BRAF: variants seen among roughly 807,000 people sequenced by gnomAD.
BRAF encodes serine/threonine-protein kinase B-raf.
In BRAF, 16 loss-of-function variants were observed where a neutral mutation model predicts 104.6. The observed-to-expected ratio is 0.15, with a 90% confidence interval of 0.10 to 0.23. The LOEUF (loss-of-function observed/expected upper bound fraction) is 0.23, where lower values mean the gene tolerates loss of function less well. Ranked by LOEUF, BRAF falls within the 10% of genes least tolerant of loss-of-function variation. The probability of loss-of-function intolerance (pLI) is 1.00; values close to 1 mark genes in which losing one functional copy is unlikely to be tolerated. For missense variants in BRAF, 541 were observed against 937.3 expected (o/e 0.58, Z 5.52); for synonymous variants, 310 against 341.6 (o/e 0.91, Z 1.02).
chr7:140,728,450 C>A (rs958310099), intron 19 of BRAF, among the ~76,000 whole-genome samples: 1 of 151,350 alleles, frequency 6.6e-6, no homozygotes, highest in South Asian at 2.1e-4. Context: ...TTTTAACAAG[C>A]AATTAACTAA....
chr7:140,763,668 C>T (rs1464942552), intron 14 of BRAF, among the ~76,000 whole-genome samples: 1 of 152,190 alleles, frequency 6.6e-6, no homozygotes, highest in East Asian at 1.9e-4. Flanking sequence ...ACTACAAACA[C>T]CTCTATGCAA....
At chr7:140,818,984 T>C (rs1276986220) in intron 3 of BRAF, among the ~76,000 whole-genome samples, 2 of 152,216 alleles carry the variant, frequency 1.3e-5, no homozygotes, top group East Asian at 3.9e-4. Flanking sequence ...ATCTTCAGTA[T>C]TTCCCTTTTG....
rs2128994366 is a variant in BRAF, at chr7:140,749,321, T to A, written c.2078A>T (p.Gln693Leu). 1 of 1,612,176 alleles carries A rather than the reference T, an allele frequency of 6.2e-7. No homozygotes were observed. Among genetic ancestry groups the A allele is most frequent in the Non-Finnish European group, 8.5e-7 (1 of 1,179,496 alleles). The change falls in exon 17 of 20, where the codon CAG becomes CTG. Residue 693 changes from glutamine to leucine, a missense_variant. Gln to Leu is a moderately radical substitution (Grantham distance 113). Transcript: ENST00000644969. ...GTTGTTGATGTTTGAATAAGGTAAC[T>A]GTCCAGTCATCAATTCATACAGAAC... ...GIVLYELMTGQLPYSNINNRD... is the reference protein window; with the variant it reads ...GIVLYELMTGLLPYSNINNRD...
chr7:140,725,023 A>T lies in BRAF; in HGVS notation c.*1471T>A. On this transcript the variant is annotated 3_prime_UTR_variant, in exon 20 of 20. Transcript: ENST00000644969. ...AAAAACAACTGATGACAGCTTTCCC[A>T]CACCCTCCCTCAGTCCTAATATCCC... 2 of 1,047,262 alleles carry T rather than the reference A, an allele frequency of 1.9e-6. No homozygotes were observed. Among genetic ancestry groups the T allele is most frequent in the Non-Finnish European group, 2.3e-6 (2 of 867,960 alleles). The allele number at this position is 1,047,262 out of a possible 1,614,324, so 64.9% of individuals were successfully genotyped here. A position where few individuals can be genotyped will look rare whatever the true frequency, so the allele number is the denominator to read the frequency against.
chr7:140,850,099 T>G lies in BRAF; in HGVS notation c.240+12A>C, dbSNP rs1809001265. The G allele has an allele frequency of 6.4e-7, 1 of 1,571,698 alleles. No individual in the cohort carries two copies. The highest frequency in any genetic ancestry group is 8.7e-7 in the Non-Finnish European group (1 of 1,144,174). On this transcript the variant is annotated intron_variant, in intron 2 of 19. Transcript: ENST00000644969. Reference sequence around the variant, plus strand: ...TTTTCAAAATTACTAGATATGATACTCAAAAGCTTACCTCCAGATATATTG... The same window carrying G: ...TTTTCAAAATTACTAGATATGATACGCAAAAGCTTACCTCCAGATATATTG...
intron 10 of BRAF, among the ~76,000 whole-genome samples, chr7:140,785,224 C>T (rs1330523297): frequency 6.6e-6 from 1 of 151,820 alleles, no homozygotes; most frequent in Non-Finnish European, 1.5e-5. Flanking sequence ...TGAAAAAAGG[C>T]CAAAAGCCTA....
chr7:140,793,575 GA>G (rs1175527446), intron 8 of BRAF, among the ~76,000 whole-genome samples: 1 of 152,012 alleles, frequency 6.6e-6, no homozygotes, highest in Non-Finnish European at 1.5e-5. Flanking sequence ...AATAAACACA[GA>G]AAAAATCAAG....
At position 140,771,283 on chromosome 7, in the gene BRAF, C is replaced by T. The variant is rs148376478; in HGVS notation, c.1814+5629G>A. Among the ~76,000 whole-genome samples, 7 of 152,308 alleles carry T rather than the reference C, an allele frequency of 4.6e-5. No individual in the cohort carries two copies. The East Asian group carries it at 1.2e-3, about 25-fold the overall frequency. ...CGATCATGGCTCACTGCAGCCTCGA[C>T]TTCCTGGGCTCAAGTGATCCTCCCA... is the stretch of plus-strand genomic sequence containing the variant. On this transcript the variant is annotated intron_variant, in intron 14 of 19. Transcript: ENST00000644969.
Position 140,766,376 on chromosome 7 carries a change from A to T in BRAF, c.1814+10536T>A, listed in dbSNP as rs1053112912. On this transcript the variant is annotated intron_variant, in intron 14 of 19. Coordinates refer to ENST00000644969, the MANE Select transcript of BRAF (RefSeq NM_001374258.1). ...AATGGGTGCAGCACACAAGCATGGCACATGTATACATATGTTACTAACCTG... is the reference window on the plus strand; with the variant it reads ...AATGGGTGCAGCACACAAGCATGGCTCATGTATACATATGTTACTAACCTG... Among the ~76,000 whole-genome samples, 3 of 152,272 alleles carry T rather than the reference A, an allele frequency of 2.0e-5. No individual in the cohort carries two copies. The East Asian group carries it at 5.8e-4, about 29-fold the overall frequency.
chr7:140,874,454 C>T (rs1229929799), intron 1 of BRAF, among the ~76,000 whole-genome samples: 1 of 150,816 alleles, frequency 6.6e-6, no homozygotes, highest in East Asian at 1.9e-4. Flanking sequence ...CCCGCCTTGG[C>T]CTCCCAAAGT....
chr7:140,883,245 CT>C (rs1358311810), intron 1 of BRAF, among the ~76,000 whole-genome samples: 2 of 152,082 alleles, frequency 1.3e-5, no homozygotes, highest in Non-Finnish European at 2.9e-5. Flanking sequence ...TCCCAAGATG[CT>C]CTACCTTGTC....
intron 3 of BRAF, among the ~76,000 whole-genome samples, chr7:140,829,705 C>T (rs777155845): frequency 5.3e-5 from 8 of 152,198 alleles, no homozygotes; most frequent in Non-Finnish European, 7.4e-5. Flanking sequence ...CATTCTCCCG[C>T]AGATTACCAG....
chr7:140,869,845 C>G (rs1811378501), intron 1 of BRAF, among the ~76,000 whole-genome samples: 3 of 152,018 alleles, frequency 2.0e-5, no homozygotes, highest in Admixed American at 1.3e-4. Context: ...TGCACTAAAA[C>G]AAAATTCAAG....
chr7:140,827,774 T>G (rs1335305718), intron 3 of BRAF, among the ~76,000 whole-genome samples: 2 of 152,218 alleles, frequency 1.3e-5, no homozygotes. Flanking sequence ...TTCTGTAGAT[T>G]ACACTGTGAT....
At chr7:140,797,810 G>T (rs1039659349) in intron 7 of BRAF, among the ~76,000 whole-genome samples, 1 of 152,036 alleles carries the variant, frequency 6.6e-6, no homozygotes, top group African/African-American at 2.4e-5. Context: ...AATCTGTCAG[G>T]AGAAAATATT....
chr7:140,853,607 C>T (rs535061113), intron 1 of BRAF, among the ~76,000 whole-genome samples: 91 of 152,274 alleles, frequency 6.0e-4, no homozygotes, highest in African/African-American at 2.1e-3. Flanking sequence ...CTGGAATGCT[C>T]TTCCCCTAAG....
At chr7:140,880,952 T>C (rs949851915) in intron 1 of BRAF, among the ~76,000 whole-genome samples, 1 of 152,278 alleles carries the variant, frequency 6.6e-6, no homozygotes, top group African/African-American at 2.4e-5. Flanking sequence ...AATGAGACCC[T>C]GTCTCAAAAC....
Position 140,749,283 on chromosome 7 carries a change from T to G in BRAF, c.2112+4A>C. ...ATAAACACCAAGACGTGGTAAATAT[T>G]TACCTGGTCCCTGTTGTTGATGTTT... On this transcript the variant is annotated splice_donor_region_variant and intron_variant, in intron 17 of 19. Transcript: ENST00000644969. 6.2e-7 allele frequency: 1 copy of G among 1,610,920 alleles called. No homozygotes were observed. Among genetic ancestry groups the G allele is most frequent in the Non-Finnish European group, 8.5e-7 (1 of 1,179,136 alleles).
chr7:140,828,182 C>T (rs931364818), intron 3 of BRAF, among the ~76,000 whole-genome samples: 2 of 152,222 alleles, frequency 1.3e-5, no homozygotes, highest in Non-Finnish European at 1.5e-5. Flanking sequence ...CATGAGCTAC[C>T]GTACCTGGCC....
Sources: gnomAD v4.1 joint callset for allele counts (sites outside exome capture counted in the v4.1 genomes callset) on GRCh38, gnomAD v4.1.1 for gene constraint, MANE v1.5 for transcripts, NCBI Gene and HGNC (gene_info 2026-07-23, HGNC 2026-07-21) for gene names.